The following FAT3 variants were observed in gnomAD, a reference collection of about 807,000 sequenced individuals.
The protein encoded by FAT3 is protocadherin Fat 3.
FAT3 carries 95 observed loss-of-function variants against 310.2 expected under a neutral mutation model. The observed-to-expected ratio is 0.31, with a 90% CI of 0.26 to 0.36. The LOEUF (loss-of-function observed/expected upper bound fraction) is 0.36, where lower values mean the gene tolerates loss of function less well. Among genes scored for constraint, FAT3 ranks in the 10% least tolerant of loss-of-function variants. The probability of loss-of-function intolerance (pLI) is 1.00; values close to 1 mark genes in which losing one functional copy is unlikely to be tolerated. For synonymous variants in FAT3, 2,314 were observed against 2,192.9 expected, an observed-to-expected ratio of 1.06 and a Z score of -1.54; for missense variants, 5,408 against 5,715.6, an observed-to-expected ratio of 0.95 and a Z score of 1.74.
At chr11:92,396,681 A>C (rs975373047) in intron 2 of FAT3, among the ~76,000 whole-genome samples, 1 of 152,054 alleles carries the variant, frequency 6.6e-6, no homozygotes, top group African/African-American at 2.4e-5. Context: ...ATAAGTCACT[A>C]AGTTGTGTTT....
chr11:92,765,186 A>C, intron 6 of FAT3, 97 bp downstream of exon 6: 4 of 1,026,694 alleles, frequency 3.9e-6, no homozygotes, highest in Non-Finnish European at 4.2e-6. Context: ...AAAACTAACA[A>C]TTAGTGCCAA....
chr11:92,378,686 A>G lies in FAT3; in HGVS notation c.3292+23282A>G, dbSNP rs77057717. Among the ~76,000 whole-genome samples the G allele has an allele frequency of 2.0e-5, 3 of 152,266 alleles. No homozygotes were observed. The East Asian group carries it at 5.8e-4, about 29-fold the overall frequency. On this transcript the variant is annotated intron_variant, in intron 2 of 27. Transcript: ENST00000525166. ...AATACTTTGGTGTTTGTCTTAGTCC[A>G]TTGGGATTGCTATAACAGAATACCA... is the stretch of plus-strand genomic sequence containing the variant.
At chr11:92,377,573 A>G (rs569024594) in intron 2 of FAT3, among the ~76,000 whole-genome samples, 2 of 152,300 alleles carry the variant, frequency 1.3e-5, no homozygotes, top group Non-Finnish European at 2.9e-5. Context: ...CATGCCCAGG[A>G]TGTGGTTGTA....
chr11:92,848,380 A>G (rs564571714), intron 19 of FAT3, among the ~76,000 whole-genome samples: 1 of 152,204 alleles, frequency 6.6e-6, no homozygotes, highest in Admixed American at 6.5e-5. Flanking sequence ...TGCAATGAAC[A>G]TTATCACTTC....
intron 2 of FAT3, among the ~76,000 whole-genome samples, chr11:92,446,623 T>G (rs1168695892): frequency 6.6e-6 from 1 of 152,206 alleles, no homozygotes; most frequent in East Asian, 1.9e-4. Context: ...CAAAATTTTA[T>G]TTTCACTTAA....
At chr11:92,766,589 T>C (rs982765353) in intron 6 of FAT3, 1 of 152,262 alleles carries the variant, frequency 6.6e-6, no homozygotes, top group South Asian at 2.1e-4. Flanking sequence ...TTTCATTTGA[T>C]GAAATGATGG....
At chr11:92,333,998 C>G (rs536547434) in intron 1 of FAT3, among the ~76,000 whole-genome samples, 1 of 152,044 alleles carries the variant, frequency 6.6e-6, no homozygotes, top group Non-Finnish European at 1.5e-5. Flanking sequence ...AATTGGTAAG[C>G]AATGTAGTTA....
At chr11:92,501,422 T>A (rs1447132853) in intron 2 of FAT3, among the ~76,000 whole-genome samples, 1 of 152,062 alleles carries the variant, frequency 6.6e-6, no homozygotes, top group East Asian at 1.9e-4. Context: ...TACTGGGAAA[T>A]CATGTTGCCT....
chr11:92,696,828 C>T (rs182632229), intron 3 of FAT3, among the ~76,000 whole-genome samples: 69 of 152,146 alleles, frequency 4.5e-4, no homozygotes, highest in Admixed American at 3.7e-3. Flanking sequence ...AAGATTCAAA[C>T]ACATAAAACA....
At chr11:92,281,627 T>C (rs1946424744) in intron 1 of FAT3, among the ~76,000 whole-genome samples, 1 of 152,154 alleles carries the variant, frequency 6.6e-6, no homozygotes, top group Non-Finnish European at 1.5e-5. Flanking sequence ...AAGTGACTTT[T>C]CCTCAGAGCC....
At chr11:92,720,476 T>C (rs543067486) in intron 4 of FAT3, among the ~76,000 whole-genome samples, 1 of 152,344 alleles carries the variant, frequency 6.6e-6, no homozygotes, top group African/African-American at 2.4e-5. Context: ...AAAATGAATC[T>C]GTTTTCCTGC....
chr11:92,767,939 TACTGGCC>T (rs1419489793), intron 6 of FAT3, among the ~76,000 whole-genome samples: 1 of 152,114 alleles, frequency 6.6e-6, no homozygotes, highest in Non-Finnish European at 1.5e-5. Context: ...TCCACTGTGC[TACTGGCC>T]ACGGCAACCT....
chr11:92,817,234 G>T, intron 13 of FAT3, among the ~76,000 whole-genome samples: 1 of 152,130 alleles, frequency 6.6e-6, no homozygotes, highest in Admixed American at 6.6e-5. Context: ...AGTAAGAAAT[G>T]AAGAAGAGAA....
chr11:92,720,363 G>T (rs1944826690), intron 4 of FAT3, among the ~76,000 whole-genome samples: 1 of 152,110 alleles, frequency 6.6e-6, no homozygotes, highest in Non-Finnish European at 1.5e-5. Flanking sequence ...TAATACCATT[G>T]CTTTAGTCTA....
chr11:92,293,963 T>G (rs1431699455), intron 1 of FAT3, among the ~76,000 whole-genome samples: 1 of 152,050 alleles, frequency 6.6e-6, no homozygotes, highest in East Asian at 1.9e-4. Context: ...TGGGGCAGCT[T>G]TTCCACATTA....
chr11:92,648,547 A>T (rs2135749653), intron 3 of FAT3, among the ~76,000 whole-genome samples: 1 of 152,272 alleles, frequency 6.6e-6, no homozygotes, highest in East Asian at 1.9e-4. Flanking sequence ...AGAGCAGAAC[A>T]ACACTGCAGT....
intron 1 of FAT3, among the ~76,000 whole-genome samples, chr11:92,260,782 G>A (rs1287379259): frequency 6.6e-6 from 1 of 152,060 alleles, no homozygotes; most frequent in African/African-American, 2.4e-5. Flanking sequence ...ATAGTAGCCG[G>A]CCTCTCTTTA....
At chr11:92,401,024 A>G (rs1261163463) in intron 2 of FAT3, among the ~76,000 whole-genome samples, 2 of 152,206 alleles carry the variant, frequency 1.3e-5, no homozygotes, top group Non-Finnish European at 1.5e-5. Context: ...CCTTGTTTCA[A>G]CCGTGACATA....
intron 3 of FAT3, among the ~76,000 whole-genome samples, chr11:92,624,035 A>G (rs141521597): frequency 9.8e-5 from 15 of 152,358 alleles, no homozygotes; most frequent in Non-Finnish European, 1.5e-4. Context: ...TACAAATACA[A>G]ATGGATACAT....
Sources: gnomAD v4.1 joint callset for allele counts (sites outside exome capture counted in the v4.1 genomes callset) on GRCh38, gnomAD v4.1.1 for gene constraint, MANE v1.5 for transcripts, NCBI Gene and HGNC (gene_info 2026-07-23, HGNC 2026-07-21) for gene names.